The following MGAT4C variants were observed in gnomAD, a reference collection of about 807,000 sequenced individuals.
The protein encoded by MGAT4C is alpha-1,3-mannosyl-glycoprotein 4-beta-N-acetylglucosaminyltransferase C.
A neutral mutation model predicts 40.1 loss-of-function variants in MGAT4C; 19 were observed. The observed-to-expected ratio is 0.47, with a 90% CI of 0.33 to 0.70. The LOEUF (loss-of-function observed/expected upper bound fraction) is 0.70, where lower values mean the gene tolerates loss of function less well. Ranked by LOEUF, MGAT4C falls within the 30% of genes least tolerant of loss-of-function variation. MGAT4C has a pLI of 0.02. For synonymous variants in MGAT4C, 181 were observed against 187.1 expected, an observed-to-expected ratio of 0.97 and a Z score of 0.27; for missense variants, 491 against 563.2, an observed-to-expected ratio of 0.87 and a Z score of 1.30.
At chr12:86,193,155 T>C (rs1461614953) in intron 1 of MGAT4C, among the ~76,000 whole-genome samples, 1 of 152,016 alleles carries the variant, frequency 6.6e-6, no homozygotes, top group African/African-American at 2.4e-5. Flanking sequence ...AATTTAACAC[T>C]TTATTTTTTC....
chr12:86,191,120 CA>C (rs1566117928), intron 1 of MGAT4C, among the ~76,000 whole-genome samples: 15 of 147,270 alleles, frequency 1.0e-4, no homozygotes, highest in East Asian at 3.9e-4. Context: ...CACACACACA[CA>C]CACACACACA....
upstream of MGAT4C, among the ~76,000 whole-genome samples, chr12:86,261,129 A>C (rs1322059320): frequency 6.6e-6 from 1 of 152,138 alleles, no homozygotes; most frequent in Non-Finnish European, 1.5e-5. Flanking sequence ...GGCAGTTATA[A>C]ATACTTGTCT....
At chr12:86,496,628 T>C (rs1958241563) in intron 2 of MGAT4C, among the ~76,000 whole-genome samples, 1 of 152,030 alleles carries the variant, frequency 6.6e-6, no homozygotes, top group Non-Finnish European at 1.5e-5. Context: ...AGAGAAGCTA[T>C]ATATTTGAAA....
chr12:86,132,660 C>T (rs1253941539), intron 1 of MGAT4C, among the ~76,000 whole-genome samples: 1 of 151,890 alleles, frequency 6.6e-6, no homozygotes, highest in Non-Finnish European at 1.5e-5. Flanking sequence ...GGCATGGTGG[C>T]GGATGCCTGT....
intron 1 of MGAT4C, among the ~76,000 whole-genome samples, chr12:86,783,094 A>C (rs1487363868): frequency 1.3e-5 from 2 of 152,192 alleles, no homozygotes; most frequent in Non-Finnish European, 1.5e-5. Context: ...AAAAATGATA[A>C]TATATTCATA....
intron 1 of MGAT4C, among the ~76,000 whole-genome samples, chr12:86,075,860 C>G (rs1869598541): frequency 6.6e-6 from 1 of 152,150 alleles, no homozygotes; most frequent in Non-Finnish European, 1.5e-5. Context: ...TCCTGGGCCT[C>G]TGGGCCTGTG....
At chr12:86,180,027 GTT>G (rs1158263099) in intron 1 of MGAT4C, among the ~76,000 whole-genome samples, 1 of 152,194 alleles carries the variant, frequency 6.6e-6, no homozygotes, top group Admixed American at 6.5e-5. Flanking sequence ...GGAAAAAACA[GTT>G]TTGTGGGCCA....
chr12:86,499,157 C>A (rs150150564), intron 2 of MGAT4C, among the ~76,000 whole-genome samples: 4 of 151,528 alleles, frequency 2.6e-5, no homozygotes, highest in Admixed American at 6.6e-5. Context: ...TATTAATAAG[C>A]CTTCATTGAC....
At chr12:86,249,773 T>C (rs1481686647) in intron 1 of MGAT4C, among the ~76,000 whole-genome samples, 1 of 152,140 alleles carries the variant, frequency 6.6e-6, no homozygotes, top group South Asian at 2.1e-4. Flanking sequence ...GGTCCCTCTA[T>C]CTGAAATATC....
intron 3 of MGAT4C, among the ~76,000 whole-genome samples, chr12:85,987,582 T>C (rs907794998): frequency 6.6e-6 from 1 of 152,230 alleles, no homozygotes; most frequent in Non-Finnish European, 1.5e-5. Context: ...TAAATCATAT[T>C]ATCTACATTT....
chr12:86,572,600 TCTC>T (rs967465454), intron 2 of MGAT4C, among the ~76,000 whole-genome samples: 43 of 152,234 alleles, frequency 2.8e-4, no homozygotes, highest in African/African-American at 1.0e-3. Flanking sequence ...TACTTACTCT[TCTC>T]TAAATGTGTC....
chr12:86,826,881 T>C (rs1952819396), intron 1 of MGAT4C, among the ~76,000 whole-genome samples: 1 of 151,424 alleles, frequency 6.6e-6, no homozygotes, highest in African/African-American at 2.4e-5. Flanking sequence ...TTGTCTAAAA[T>C]ACAAAGAAAA....
At chr12:86,588,517 A>G (rs1370680138) in intron 2 of MGAT4C, among the ~76,000 whole-genome samples, 3 of 152,014 alleles carry the variant, frequency 2.0e-5, no homozygotes, top group Non-Finnish European at 2.9e-5. Context: ...TAACAAGGAC[A>G]CCCAGGAATT....
At chr12:86,483,231 A>G (rs1356895669) in intron 2 of MGAT4C, among the ~76,000 whole-genome samples, 2 of 152,180 alleles carry the variant, frequency 1.3e-5, no homozygotes, top group African/African-American at 2.4e-5. Flanking sequence ...ACCACCCAAA[A>G]AGTCCCAGTT....
At chr12:86,063,428 T>C (rs554967750) in intron 1 of MGAT4C, among the ~76,000 whole-genome samples, 4 of 152,084 alleles carry the variant, frequency 2.6e-5, no homozygotes, top group African/African-American at 9.6e-5. Flanking sequence ...ACATACCAAA[T>C]TGTAAAGGTC....
chr12:86,362,484 A>G (rs1955498258), intron 3 of MGAT4C, among the ~76,000 whole-genome samples: 1 of 83,594 alleles, frequency 1.2e-5, no homozygotes, highest in South Asian at 5.5e-4. Flanking sequence ...CTTAAGGTAT[A>G]ATAAAAAAAA....
intron 1 of MGAT4C, among the ~76,000 whole-genome samples, chr12:86,787,736 T>C (rs540202803): frequency 1.4e-4 from 21 of 152,206 alleles, no homozygotes; most frequent in Admixed American, 1.2e-3. Context: ...GAACTTATAG[T>C]AGAATGATGT....
chr12:86,701,368 T>C (rs1211658333), intron 2 of MGAT4C, among the ~76,000 whole-genome samples: 1 of 152,180 alleles, frequency 6.6e-6, no homozygotes, highest in South Asian at 2.1e-4. Context: ...TCCAACTTTT[T>C]TGTTATTATT....
At chr12:86,387,035 A>G (rs147963302) in intron 3 of MGAT4C, among the ~76,000 whole-genome samples, 34 of 152,228 alleles carry the variant, frequency 2.2e-4, no homozygotes, top group African/African-American at 8.2e-4. Context: ...ATTTTCTATA[A>G]ATTGGCTTAA....
Sources: gnomAD v4.1 joint callset for allele counts (sites outside exome capture counted in the v4.1 genomes callset) on GRCh38, gnomAD v4.1.1 for gene constraint, MANE v1.5 for transcripts, NCBI Gene and HGNC (gene_info 2026-07-23, HGNC 2026-07-21) for gene names.